Variants in CAD observed in about 807,000 individuals in gnomAD.
CAD encodes multifunctional protein CAD.
A neutral mutation model predicts 237.2 loss-of-function variants in CAD; 81 were observed. That is an observed-to-expected ratio of 0.34 (90% confidence interval 0.29 to 0.41). CAD has a LOEUF of 0.41. Among genes scored for constraint, CAD ranks in the 10% least tolerant of loss-of-function variants. The pLI, the probability that CAD is intolerant of heterozygous loss-of-function variation, is 1.00. For missense variants in CAD, 2,181 were observed against 2,951.7 expected (o/e 0.74, Z 6.05); for synonymous variants, 1,196 against 1,162.8 (o/e 1.03, Z -0.58).
In CAD at chr2:27,242,388, C is replaced by T; in HGVS notation, c.6183C>T (p.Phe2061=). The T allele has an allele frequency of 1.2e-6, 2 of 1,614,064 alleles. No homozygotes were observed. Among genetic ancestry groups the T allele is most frequent in the Non-Finnish European group, 1.7e-6 (2 of 1,179,972 alleles). The change falls in exon 40 of 44, where the codon TTC becomes TTT. Residue 2061 remains phenylalanine (F), a synonymous_variant. Transcript: ENST00000264705. The surrounding 1 kb of genome is among the most constrained non-coding windows in gnomAD (Gnocchi z 6.4). ...CCACCCAGGCCCTGCTGGACATCTT[C>T]ACCATCCGTGAGGAGCTGGGAACTG... ...EHPTQALLDI[F]TIREELGTVN... is the part of the protein sequence containing the mutation.
chr2:27,235,550 G>A lies in CAD; in HGVS notation c.3984G>A (p.Leu1328=). 6.2e-7 allele frequency: 1 copy of A among 1,614,130 alleles called. No individual in the cohort carries two copies. The highest frequency in any genetic ancestry group is 8.5e-7 in the Non-Finnish European group (1 of 1,179,996). The change falls in exon 25 of 44, where the codon CTG becomes CTA. Residue 1328 remains leucine, a synonymous_variant. Transcript: ENST00000264705. The surrounding 1 kb of genome is among the most constrained non-coding windows in gnomAD (Gnocchi z 5.2). ...TTTGGTTTCAGAACAAAAGCGAGCT[G>A]CTCCCAACTGTGCGGCTACTGGAGA... ...TIGSYKNKSE[L]LPTVRLLESL...
At position 27,227,031 on chromosome 2, in the gene CAD, C is replaced by T. The variant is rs1377224360; in HGVS notation, c.2287+69C>T. On this transcript the variant is annotated intron_variant, in intron 15 of 43. Coordinates refer to ENST00000264705, the MANE Select transcript of CAD (RefSeq NM_004341.5). ...CCAAGAATCTTAAATGTCAAGAGTTCCCTGGCATGGCCTTTTACGTCCTAT... is the reference window on the plus strand; with the variant it reads ...CCAAGAATCTTAAATGTCAAGAGTTTCCTGGCATGGCCTTTTACGTCCTAT... 2.8e-6 allele frequency: 4 copies of T among 1,410,014 alleles called. No individual in the cohort carries two copies. In the East Asian group the frequency reaches 6.8e-5, roughly 24 times the overall value. The allele number at this position is 1,410,014 out of a possible 1,614,324, so 87.3% of individuals were successfully genotyped here.
In CAD at chr2:27,217,420, C is replaced by T. The variant is rs376041813; in HGVS notation, c.-132C>T. 4 of 797,258 alleles carry T rather than the reference C, an allele frequency of 5.0e-6. No individual in the cohort carries two copies. Among genetic ancestry groups the T allele is most frequent in the East Asian group, 2.9e-5 (1 of 34,502 alleles). The allele number at this position is 797,258 out of a possible 1,614,324, so 49.4% of individuals were successfully genotyped here. On this transcript the variant is annotated 5_prime_UTR_variant, in exon 1 of 44. Transcript: ENST00000264705. ...CCCGAGGCTCCTACGCTGCCGCGCC[C>T]GGCTTCTCTCCAGCGCCCCGCGCCG...
rs1675801945 is a variant in CAD, at chr2:27,232,374, C to T, written c.2646-74C>T. ...CAAGGATATTTCCTCTCATCTGTGCCCTGGGGTCTCAACCCTCTATCAGTC... is the reference window on the plus strand; with the variant it reads ...CAAGGATATTTCCTCTCATCTGTGCTCTGGGGTCTCAACCCTCTATCAGTC... On this transcript the variant is annotated intron_variant, in intron 17 of 43. Coordinates refer to ENST00000264705, the MANE Select transcript of CAD (RefSeq NM_004341.5). The surrounding 1 kb of genome is among the most constrained non-coding windows in gnomAD (Gnocchi z 4.1). 1.9e-6 allele frequency: 3 copies of T among 1,594,116 alleles called. No homozygotes were observed. Among genetic ancestry groups the T allele is most frequent in the African/African-American group, 2.7e-5 (2 of 74,500 alleles).
rs1221402465 is a variant in CAD, at chr2:27,236,718, TC to T, written c.4315-28del. 6.2e-7 allele frequency: 1 copy of T among 1,607,492 alleles called. No individual in the cohort carries two copies. The highest frequency in any genetic ancestry group is 8.5e-7 in the Non-Finnish European group (1 of 1,173,980). On this transcript the variant is annotated intron_variant, in intron 26 of 43. Coordinates refer to ENST00000264705, the MANE Select transcript of CAD (RefSeq NM_004341.5). The surrounding 1 kb of genome is among the most constrained non-coding windows in gnomAD (Gnocchi z 4.1). The stretch of plus-strand genomic sequence containing the variant: ...TCCCTACAACTCCCAGGATCACCCT[TC>T]CCTTAAAGCTGACTGCTTTCCACTT...
At chr2:27,224,081 A>C (rs534331808) in intron 8 of CAD, 52 bp downstream of exon 8, 1 of 1,338,412 alleles carries the variant, frequency 7.5e-7, no homozygotes, top group South Asian at 1.2e-5. Context: ...GGTTGGCTCC[A>C]GGATGGGCAT....
rs1410568568 is a variant in CAD, at chr2:27,242,006, C to T, written c.5979C>T (p.Ser1993=). Residue 1993 remains serine (S), a synonymous_variant, in exon 39 of 44, where the codon AGC becomes AGT. Coordinates refer to ENST00000264705, the MANE Select transcript of CAD (RefSeq NM_004341.5). The surrounding 1 kb of genome is among the most constrained non-coding windows in gnomAD (Gnocchi z 6.4). ...CCCGGCTGGGAGGTGCTGTGCTCAG[C>T]TTCTCGGAAGCCACATCGTCCGTCC... ...AMARLGGAVL[S]FSEATSSVQK... 16 of 1,613,202 alleles carry T rather than the reference C, an allele frequency of 9.9e-6. No individual in the cohort carries two copies. The highest frequency in any genetic ancestry group is 1.1e-5 in the Non-Finnish European group (13 of 1,180,044).
Position 27,239,991 on chromosome 2 carries a change from A to G in CAD, c.5496+193A>G, listed in dbSNP as rs1676221660. On this transcript the variant is annotated intron_variant, in intron 34 of 43. Coordinates refer to ENST00000264705, the MANE Select transcript of CAD (RefSeq NM_004341.5). This position sits in a 1 kb window ranked among gnomAD's most constrained non-coding sequence, Gnocchi z 4.0. ...TGTGGTGGCTCACACTTGTAATCCC[A>G]GCACTTTGGGAGGCCAAGGCAGGCG... 2 of 596,622 alleles carry G rather than the reference A, an allele frequency of 3.4e-6. No homozygotes were observed. Among genetic ancestry groups the G allele is most frequent in the East Asian group, 2.9e-5 (1 of 34,624 alleles). 37.0% of individuals were successfully genotyped at this position (596,622 alleles called of 1,614,324 possible).
chr2:27,238,322 T>A, intron 30 of CAD, 109 bp from the exon 31 acceptor site: 1 of 1,459,762 alleles, frequency 6.9e-7, no homozygotes, highest in Non-Finnish European at 9.4e-7. Flanking sequence ...GCCAGCACCC[T>A]TGCAGGTCTA....
In CAD at chr2:27,242,936, A is replaced by G. The variant is rs1676392505; in HGVS notation, c.6443A>G (p.Gln2148Arg). 11 of 1,609,046 alleles carry G rather than the reference A, an allele frequency of 6.8e-6. No individual in the cohort carries two copies. The highest frequency in any genetic ancestry group is 9.4e-6 in the Non-Finnish European group (11 of 1,175,998). ...DTDVLYMTRI[Q>R]KERFGSTQEY... ...GATGTGCTCTACATGACTCGAATCC[A>G]GAAGGAACGATTTGGCTCTACCCAG... The change falls in exon 42 of 44, where the codon CAG becomes CGG. Residue 2148 changes from glutamine (Q) to arginine (R), a missense_variant. Gln to Arg is a conservative substitution (Grantham distance 43). Transcript: ENST00000264705. This position sits in a 1 kb window ranked among gnomAD's most constrained non-coding sequence, Gnocchi z 6.4.
intron 3 of CAD, 89 bp downstream of exon 3, chr2:27,221,436 C>G: frequency 4.2e-6 from 5 of 1,180,920 alleles, no homozygotes; most frequent in Non-Finnish European, 5.5e-6. Context: ...TGGGACCTGA[C>G]TCTAAGATTG....
chr2:27,243,459 G>T lies in CAD; in HGVS notation c.6619G>T (p.Ala2207Ser), dbSNP rs2148102397. Residue 2207 changes from alanine (A) to serine (S), a missense_variant, in exon 44 of 44, where the codon GCT becomes TCT. Transcript: ENST00000264705. The part of the protein sequence containing the change: ...SDPRAAYFRQ[A>S]ENGMYIRMAL... Reference sequence around the variant, plus strand: ...TCCCCGCGCAGCCTACTTCCGCCAGGCTGAGAACGGCATGTACATCCGCAT... The same window carrying T: ...TCCCCGCGCAGCCTACTTCCGCCAGTCTGAGAACGGCATGTACATCCGCAT... The T allele has an allele frequency of 6.2e-7, 1 of 1,609,828 alleles. No homozygotes were observed. The highest frequency in any genetic ancestry group is 8.5e-7 in the Non-Finnish European group (1 of 1,178,920).
chr2:27,243,199 G>T lies in CAD; in HGVS notation c.6482G>T (p.Cys2161Phe). 2 of 1,614,016 alleles carry T rather than the reference G, an allele frequency of 1.2e-6. No individual in the cohort carries two copies. The highest frequency in any genetic ancestry group is 1.7e-6 in the Non-Finnish European group (2 of 1,179,984). ...ATGGGGACCCCATCTGCTTTGCAGT[G>T]CTTTGGTCAGTTCATCCTCACTCCC... ...RFGSTQEYEA[C>F]FGQFILTPHI... is the part of the protein sequence containing the mutation. Residue 2161 changes from cysteine to phenylalanine, a missense_variant and splice_region_variant, in exon 43 of 44, where the codon TGC becomes TTC. Physicochemically the swap from Cys to Phe is radical, Grantham distance 205 (BLOSUM62 -2). Transcript: ENST00000264705.
Position 27,239,131 on chromosome 2 carries a change from G to A in CAD, c.5152G>A (p.Val1718Ile), listed in dbSNP as rs1238804277. Residue 1718 changes from valine (V) to isoleucine (I), a missense_variant, in exon 32 of 44, where the codon GTA becomes ATA. Transcript: ENST00000264705. This position sits in a 1 kb window ranked among gnomAD's most constrained non-coding sequence, Gnocchi z 4.0. ...CATGCTGCCACTACTCCTGACGGCTGTAAGCGAGGGCCGGCTCAGCCTGGA... is the reference window on the plus strand; with the variant it reads ...CATGCTGCCACTACTCCTGACGGCTATAAGCGAGGGCCGGCTCAGCCTGGA... ...ETMLPLLLTA[V>I]SEGRLSLDDL... 8 of 1,613,378 alleles carry A rather than the reference G, an allele frequency of 5.0e-6. No homozygotes were observed. The highest frequency in any genetic ancestry group is 5.1e-6 in the Non-Finnish European group (6 of 1,179,664).
At chr2:27,217,777 C>G in intron 1 of CAD, 100 bp from the exon 2 acceptor site, 1 of 1,469,416 alleles carries the variant, frequency 6.8e-7, no homozygotes, top group Non-Finnish European at 9.2e-7. Context: ...GCGCCATAAA[C>G]CCCTCGCGAC....
At position 27,222,299 on chromosome 2, in the gene CAD, C is replaced by T. The variant is rs781212395; in HGVS notation, c.458C>T (p.Pro153Leu). Residue 153 changes from proline (P) to leucine (L), a missense_variant, in exon 4 of 44, where the codon CCC (proline) becomes CTC (leucine). By Grantham distance (98) the Pro-to-Leu change is moderately conservative. This residue lies in a region of CAD where 314 missense variants were observed against 339.4 expected (regional missense o/e 0.93). Transcript: ENST00000264705. ...CCTTCATCCCTGCCATTCTTGGACC[C>T]CAATGCCCGCCCCCTGGTACCAGAG... is the stretch of plus-strand genomic sequence containing the variant. ...TEPSSLPFLD[P>L]NARPLVPEVS... 1.2e-6 allele frequency: 2 copies of T among 1,613,282 alleles called. No individual in the cohort carries two copies. The highest frequency in any genetic ancestry group is 4.5e-5 in the East Asian group (2 of 44,842).
At chr2:27,219,192 C>T (rs1675027886) in intron 2 of CAD, among the ~76,000 whole-genome samples, 3 of 152,242 alleles carry the variant, frequency 2.0e-5, no homozygotes, top group African/African-American at 7.2e-5. Flanking sequence ...GCCAAACTAT[C>T]CTTCAGATCC....
chr2:27,243,861 G>A lies in CAD; in HGVS notation c.*343G>A. ...CCAAATTATAAGAGCAGCCTCACCA[G>A]GCAGGGCTCTGGCTAGGGCTGCGTG... is the stretch of plus-strand genomic sequence containing the variant. On this transcript the variant is annotated 3_prime_UTR_variant, in exon 44 of 44. Transcript: ENST00000264705. 3.8e-6 allele frequency: 1 copy of A among 261,852 alleles called. No homozygotes were observed. The highest frequency in any genetic ancestry group is 7.4e-6 in the Non-Finnish European group (1 of 135,898). 16.2% of individuals were successfully genotyped at this position (261,852 alleles called of 1,614,324 possible). A position where few individuals can be genotyped will look rare whatever the true frequency, so the allele number is the denominator to read the frequency against.
chr2:27,240,452 C>T lies in CAD; in HGVS notation c.5593+91C>T, dbSNP rs2148094509. Reference sequence around the variant, plus strand: ...CGCCTTTCTCTACTTACATGTCCTCCTCTCCATCCCTTTATCCTCGTCTGA... The same window carrying T: ...CGCCTTTCTCTACTTACATGTCCTCTTCTCCATCCCTTTATCCTCGTCTGA... On this transcript the variant is annotated intron_variant, in intron 35 of 43. Coordinates refer to ENST00000264705, the MANE Select transcript of CAD (RefSeq NM_004341.5). The surrounding 1 kb of genome is among the most constrained non-coding windows in gnomAD (Gnocchi z 4.6). The T allele has an allele frequency of 1.4e-6, 2 of 1,474,920 alleles. No individual in the cohort carries two copies. The highest frequency in any genetic ancestry group is 1.4e-5 in the African/African-American group (1 of 72,294). 91.4% of individuals were successfully genotyped at this position (1,474,920 alleles called of 1,614,324 possible).
Sources: allele counts gnomAD v4.1 joint callset (sites outside exome capture counted in the v4.1 genomes callset), GRCh38; gene constraint gnomAD v4.1.1; regional missense constraint gnomAD v4.1.1; non-coding constraint Gnocchi (gnomAD v3.1); transcripts MANE v1.5; gene names NCBI Gene and HGNC (gene_info 2026-07-23, HGNC 2026-07-21).